Variants in KCNN1 observed in about 807,000 individuals in gnomAD.
KCNN1 encodes the protein potassium calcium-activated channel subfamily N member 1.
Under a neutral mutation model 44.7 loss-of-function variants are expected in KCNN1, and 20 were observed. That is an observed-to-expected ratio of 0.45 (90% CI 0.32 to 0.65). The LOEUF is 0.65. KCNN1 is among the 30% of genes least tolerant of loss of function. The pLI is 0.05. For missense variants in KCNN1, 632 were observed against 785.3 expected (o/e 0.80, Z 2.33); for synonymous variants, 324 against 341.7 (o/e 0.95, Z 0.57).
At position 17,973,968 on chromosome 19, in the gene KCNN1, ACCCTGAGGCCGGCCAC is replaced by A; in HGVS notation, c.84_99del (p.Glu29HisfsTer12). The A allele has an allele frequency of 6.4e-7, 1 of 1,566,238 alleles. No homozygotes were observed. Among genetic ancestry groups the A allele is most frequent in the Non-Finnish European group, 8.6e-7 (1 of 1,157,892 alleles). ...GGCGCCCTGGGACGAGACCCTCCGG[ACCCTGAGGCCGGCCAC>A]CCCCCACAACCCCCGCACAGCCCGG... On this transcript the variant is annotated frameshift_variant, in exon 2 of 10. Transcript: ENST00000684775.
chr19:17,990,968 T>C (rs1468597689), intron 7 of KCNN1, among the ~76,000 whole-genome samples: 1 of 152,068 alleles, frequency 6.6e-6, no homozygotes, highest in Non-Finnish European at 1.5e-5. Flanking sequence ...ACATCCAACA[T>C]CAGTTACTTA....
chr19:17,977,203 C>G (rs2032236246), intron 3 of KCNN1, among the ~76,000 whole-genome samples: 1 of 152,106 alleles, frequency 6.6e-6, no homozygotes, highest in Non-Finnish European at 1.5e-5. Flanking sequence ...GGGTTCTCAG[C>G]TTAGGAGATG....
At chr19:17,968,420 G>C (rs988505616) in intron 1 of KCNN1, among the ~76,000 whole-genome samples, 1 of 151,928 alleles carries the variant, frequency 6.6e-6, no homozygotes, top group East Asian at 1.9e-4. Context: ...CTCGTAGTGG[G>C]GGGGTGGGGG....
chr19:17,958,802 A>G (rs974722645), intron 2 of KCNN1, among the ~76,000 whole-genome samples: 3 of 148,644 alleles, frequency 2.0e-5, no homozygotes, highest in African/African-American at 7.5e-5. Context: ...GGTTCACGCC[A>G]CTCTCCTGCC....
rs377097499 is a variant in KCNN1, at chr19:17,974,095, C to T, written c.207C>T (p.Asp69=). 6.9e-5 allele frequency: 112 copies of T among 1,612,048 alleles called. No individual in the cohort carries two copies. The African/African-American group carries it at 9.6e-4, about 14-fold the overall frequency. Residue 69 remains aspartate (D), a synonymous_variant, in exon 2 of 10, where the codon GAC becomes GAT. Coordinates refer to ENST00000684775, the MANE Select transcript of KCNN1 (RefSeq NM_001386974.1). The surrounding 1 kb of genome is among the most constrained non-coding windows in gnomAD (Gnocchi z 7.3). ...PRGQPQDQDD[D]EDDEEDEAGR... ...GGCAGCCCCAGGACCAGGACGATGA[C>T]GAGGATGATGAGGAAGATGAGGCCG... is the stretch of plus-strand genomic sequence containing the variant.
chr19:17,962,916 T>A (rs2031714993), upstream of KCNN1, among the ~76,000 whole-genome samples: 1 of 151,636 alleles, frequency 6.6e-6, no homozygotes, highest in Non-Finnish European at 1.5e-5. Context: ...TTGGCCAGGC[T>A]GGTCTTGAAC....
chr19:17,969,727 C>A (rs537159923), intron 1 of KCNN1, among the ~76,000 whole-genome samples: 1 of 152,232 alleles, frequency 6.6e-6, no homozygotes, highest in Non-Finnish European at 1.5e-5. Context: ...GCCTACACCC[C>A]CTCTGGGTTC....
upstream of KCNN1, among the ~76,000 whole-genome samples, chr19:17,963,373 C>T (rs573180313): frequency 6.6e-6 from 1 of 150,608 alleles, no homozygotes; most frequent in Admixed American, 6.7e-5. Flanking sequence ...AGTGCAGTGG[C>T]ACAGTCTTGG....
intron 2 of KCNN1, among the ~76,000 whole-genome samples, chr19:17,961,974 C>T (rs559677685): frequency 3.3e-3 from 503 of 152,286 alleles, no homozygotes; most frequent in African/African-American, 0.01. Flanking sequence ...AGTCCACCTG[C>T]GTAGCAAGAC....
At chr19:17,965,273 C>CAAAAAAA (rs35151160), upstream of KCNN1, among the ~76,000 whole-genome samples, 1 of 134,456 alleles carries the variant, frequency 7.4e-6, no homozygotes, top group African/African-American at 2.7e-5. Flanking sequence ...GACTCTGTCT[C>CAAAAAAA]AAAAAAAAAA....
At chr19:17,960,747 C>T (rs571421207) in intron 2 of KCNN1, among the ~76,000 whole-genome samples, 58 of 152,258 alleles carry the variant, frequency 3.8e-4, no homozygotes, top group African/African-American at 1.2e-3. Context: ...CGGAGGCTCT[C>T]AGGAGGATCC....
chr19:17,997,152 T>C (rs921569218), intron 9 of KCNN1, among the ~76,000 whole-genome samples: 3 of 152,122 alleles, frequency 2.0e-5, no homozygotes, highest in African/African-American at 4.8e-5. Flanking sequence ...GTAACAGTAA[T>C]TGTGGCTGTC....
At chr19:17,990,909 T>C (rs939813926) in intron 7 of KCNN1, among the ~76,000 whole-genome samples, 1 of 152,168 alleles carries the variant, frequency 6.6e-6, no homozygotes, top group African/African-American at 2.4e-5. Context: ...TCTAAATCCT[T>C]GGCTGCTCAT....
At chr19:17,959,812 C>T (rs561698994) in intron 2 of KCNN1, among the ~76,000 whole-genome samples, 16 of 152,118 alleles carry the variant, frequency 1.1e-4, no homozygotes, top group East Asian at 7.8e-4. Flanking sequence ...CAGCTGGACG[C>T]GGTGGCTCAG....
chr19:17,975,024 A>G (rs918124557), intron 2 of KCNN1, 68 bp from the exon 3 acceptor site: 3 of 1,224,844 alleles, frequency 2.4e-6, no homozygotes, highest in Non-Finnish European at 3.6e-6. Context: ...AGCCAGGGTA[A>G]GGGGATGGGA....
chr19:17,960,223 T>A (rs1353758020), intron 2 of KCNN1, among the ~76,000 whole-genome samples: 1 of 152,122 alleles, frequency 6.6e-6, no homozygotes, highest in Non-Finnish European at 1.5e-5. Flanking sequence ...TGAGGCCATA[T>A]CATTGCCTTG....
upstream of KCNN1, among the ~76,000 whole-genome samples, chr19:17,966,080 C>G (rs2031803284): frequency 2.1e-5 from 3 of 140,470 alleles, no homozygotes; most frequent in Admixed American, 1.4e-4. Flanking sequence ...TTCCTTCCTT[C>G]CTTCAGTCCA....
At chr19:17,996,871 G>C (rs1397454213) in intron 9 of KCNN1, among the ~76,000 whole-genome samples, 1 of 152,214 alleles carries the variant, frequency 6.6e-6, no homozygotes, top group African/African-American at 2.4e-5. Flanking sequence ...GGCTGGGTGT[G>C]AGAGGACAGA....
At chr19:17,955,272 GAAAA>G in intron 2 of KCNN1, among the ~76,000 whole-genome samples, 2 of 146,302 alleles carry the variant, frequency 1.4e-5, no homozygotes, top group Admixed American at 1.4e-4. Context: ...AAAAAAAAAA[GAAAA>G]AAGGCCAGAC....
Sources: gnomAD v4.1 joint callset for allele counts (sites outside exome capture counted in the v4.1 genomes callset) on GRCh38, gnomAD v4.1.1 for gene constraint, Gnocchi (gnomAD v3.1) non-coding constraint, MANE v1.5 for transcripts, NCBI Gene and HGNC (gene_info 2026-07-23, HGNC 2026-07-21) for gene names.